Variants in PXDN observed in about 807,000 individuals in gnomAD.
PXDN encodes peroxidasin, also known as peroxidasin homolog.
Under a neutral mutation model 140.3 loss-of-function variants are expected in PXDN, and 77 were observed. That is an observed-to-expected ratio of 0.55 (90% confidence interval 0.46 to 0.66). The LOEUF (loss-of-function observed/expected upper bound fraction) is 0.66, where lower values mean the gene tolerates loss of function less well. Ranked by LOEUF, PXDN falls within the 30% of genes least tolerant of loss-of-function variation. The pLI, the probability that PXDN is intolerant of heterozygous loss-of-function variation, is 0.00. For synonymous variants in PXDN, 911 were observed against 857.4 expected (o/e 1.06, Z -1.09); for missense variants, 1,838 against 2,039.5 (o/e 0.90, Z 1.90).
chr2:1,634,947 C>T (rs1261352102), intron 22 of PXDN, among the ~76,000 whole-genome samples: 5 of 150,568 alleles, frequency 3.3e-5, no homozygotes, highest in African/African-American at 1.3e-4. Flanking sequence ...CCACCAGTCT[C>T]CCTTTGCAGG....
chr2:1,738,540 T>C (rs180983279), intron 1 of PXDN, among the ~76,000 whole-genome samples: 2 of 141,842 alleles, frequency 1.4e-5, no homozygotes, highest in East Asian at 4.5e-4. Context: ...ATAATGCAAG[T>C]TGATCTTCAA....
rs1268585361 is a variant in PXDN, at chr2:1,662,083, T to G, written c.1669A>C (p.Thr557Pro). ...SSQGEPEPAITWNKDGVQVTE... is the reference protein window; with the variant it reads ...SSQGEPEPAIPWNKDGVQVTE... ...ACCAGACCGCCTACCTTGTTCCAGG[T>G]GATGGCTGGCTCGGGCTCGCCCTGG... Residue 557 changes from threonine (T) to proline (P), a missense_variant, in exon 13 of 23, where the codon ACC becomes CCC. This residue lies in a region of PXDN where 537 missense variants were observed against 583.9 expected (regional missense o/e 0.92). Coordinates refer to ENST00000252804, the MANE Select transcript of PXDN (RefSeq NM_012293.3). 5.0e-6 allele frequency: 8 copies of G among 1,593,372 alleles called. No homozygotes were observed. Among genetic ancestry groups the G allele is most frequent in the Non-Finnish European group, 6.8e-6 (8 of 1,170,368 alleles).
At chr2:1,673,588 TA>T in intron 9 of PXDN, 54 bp downstream of exon 9, 1 of 1,557,192 alleles carries the variant, frequency 6.4e-7, no homozygotes, top group Non-Finnish European at 8.8e-7. Flanking sequence ...AGAAGGCAGA[TA>T]GTGAGGGACG....
At chr2:1,668,907 T>C (rs1683510685) in intron 9 of PXDN, among the ~76,000 whole-genome samples, 1 of 152,216 alleles carries the variant, frequency 6.6e-6, no homozygotes. Context: ...CTCAAGGATC[T>C]AGAACCAGAA....
intron 1 of PXDN, among the ~76,000 whole-genome samples, chr2:1,739,854 T>A (rs549798632): frequency 9.9e-5 from 15 of 152,196 alleles, no homozygotes; most frequent in Non-Finnish European, 1.9e-4. Flanking sequence ...GTTTTAAGTA[T>A]CTCTATGGTA....
At chr2:1,647,471 C>T (rs1054750622) in intron 17 of PXDN, among the ~76,000 whole-genome samples, 1 of 152,142 alleles carries the variant, frequency 6.6e-6, no homozygotes, top group African/African-American at 2.4e-5. Context: ...CCATTTTTTC[C>T]ACCCCACAGG....
intron 1 of PXDN, among the ~76,000 whole-genome samples, chr2:1,728,365 C>T (rs1238692911): frequency 6.6e-6 from 1 of 152,250 alleles, no homozygotes; most frequent in African/African-American, 2.4e-5. Flanking sequence ...CAGAGCCTCT[C>T]TCTAGGAGCT....
intron 1 of PXDN, among the ~76,000 whole-genome samples, chr2:1,734,511 G>A (rs1335908427): frequency 6.6e-6 from 1 of 152,128 alleles, no homozygotes; most frequent in Non-Finnish European, 1.5e-5. Context: ...TTTCCCAAAA[G>A]GTTTCTCTGT....
chr2:1,684,877 G>A (rs190511013), intron 4 of PXDN, among the ~76,000 whole-genome samples: 2 of 152,268 alleles, frequency 1.3e-5, no homozygotes, highest in Admixed American at 1.3e-4. Context: ...CAAACACAAA[G>A]TCAGTCTTCT....
intron 1 of PXDN, among the ~76,000 whole-genome samples, chr2:1,731,358 G>C (rs555567320): frequency 6.6e-6 from 1 of 151,444 alleles, no homozygotes; most frequent in African/African-American, 2.4e-5. Context: ...GCTGACCTCC[G>C]CATCCCAGCA....
intron 9 of PXDN, among the ~76,000 whole-genome samples, chr2:1,670,002 CTA>C (rs1310332355): frequency 6.6e-6 from 1 of 152,098 alleles, no homozygotes; most frequent in Non-Finnish European, 1.5e-5. Context: ...ATAAGACTAC[CTA>C]TAGTCTTTAT....
At chr2:1,702,558 C>T (rs1250102247) in intron 1 of PXDN, among the ~76,000 whole-genome samples, 1 of 152,244 alleles carries the variant, frequency 6.6e-6, no homozygotes, top group Non-Finnish European at 1.5e-5. Context: ...ATGCCCATGA[C>T]ACAGCCTCAG....
chr2:1,712,630 C>G (rs1342607198), intron 1 of PXDN, among the ~76,000 whole-genome samples: 1 of 152,240 alleles, frequency 6.6e-6, no homozygotes, highest in Non-Finnish European at 1.5e-5. Flanking sequence ...GGAGGTCACA[C>G]ATGGCGGCCT....
rs764510640 is a variant in PXDN at position 1,680,190 on chromosome 2, C to T, written c.730+3G>A. ...GATGGTGTGTGCGTGTCGGGCCACT[C>T]ACCACAGTTCAGCTCTTCCGGGGTG... On this transcript the variant is annotated splice_donor_region_variant and intron_variant, in intron 7 of 22. Transcript: ENST00000252804. 96 of 1,558,896 alleles carry T rather than the reference C, an allele frequency of 6.2e-5. No homozygotes were observed. The highest frequency in any genetic ancestry group is 8.2e-5 in the Non-Finnish European group (94 of 1,150,848).
chr2:1,665,416 T>A (rs1683412660), intron 10 of PXDN, among the ~76,000 whole-genome samples: 1 of 152,186 alleles, frequency 6.6e-6, no homozygotes, highest in African/African-American at 2.4e-5. Flanking sequence ...TAAACTAATA[T>A]TTGCAAATGC....
intron 3 of PXDN, among the ~76,000 whole-genome samples, chr2:1,689,784 C>CAA (rs59005952): frequency 5.1e-5 from 6 of 118,412 alleles, no homozygotes; most frequent in Admixed American, 9.3e-5. Flanking sequence ...AACTCCACCT[C>CAA]AAAAAAAAAA....
chr2:1,744,082 A>T (rs1483974473), intron 1 of PXDN, among the ~76,000 whole-genome samples, 174 bp downstream of exon 1: 2 of 150,548 alleles, frequency 1.3e-5, no homozygotes, highest in African/African-American at 4.9e-5. Flanking sequence ...CCCCGCGCCC[A>T]GGTCCCCCCA....
chr2:1,731,152 G>A (rs370669444), intron 1 of PXDN, among the ~76,000 whole-genome samples: 2,405 of 136,044 alleles, frequency 0.018, 43 homozygotes, highest in African/African-American at 0.058. Flanking sequence ...GAGCGCGCGC[G>A]CACACACACA....
chr2:1,648,965 C>T lies in PXDN; in HGVS notation c.2815G>A (p.Gly939Ser). 6.2e-7 allele frequency: 1 copy of T among 1,605,516 alleles called. No individual in the cohort carries two copies. The highest frequency in any genetic ancestry group is 8.5e-7 in the Non-Finnish European group (1 of 1,176,190). ...LASHRGLLRQGIVQRSGKPLL... is the reference protein window; with the variant it reads ...LASHRGLLRQSIVQRSGKPLL... ...GGCTTCCCGGACCGCTGCACGATGC[C>T]CTGCCGCAGCAGGCCGCGGTGGCTG... is the stretch of plus-strand genomic sequence containing the variant. Residue 939 changes from glycine to serine, a missense_variant, in exon 17 of 23, where the codon GGC (glycine) becomes AGC (serine). By Grantham distance (56) the Gly-to-Ser change is moderately conservative (BLOSUM62 0). Around this residue, in one of 5 missense-constraint regions of PXDN, gnomAD observed 850 missense variants for 894.1 expected, o/e 0.95. Transcript: ENST00000252804. The surrounding 1 kb of genome is among the most constrained non-coding windows in gnomAD (Gnocchi z 8.9).
Sources: allele counts gnomAD v4.1 joint callset (sites outside exome capture counted in the v4.1 genomes callset), GRCh38; gene constraint gnomAD v4.1.1; regional missense constraint gnomAD v4.1.1; non-coding constraint Gnocchi (gnomAD v3.1); transcripts MANE v1.5; gene names NCBI Gene and HGNC (gene_info 2026-07-23, HGNC 2026-07-21).